The following RRM2 variants were observed in gnomAD, a reference collection of about 807,000 sequenced individuals.
RRM2 encodes the protein ribonucleoside-diphosphate reductase subunit M2.
Under a neutral mutation model 45.9 loss-of-function variants are expected in RRM2, and 6 were observed. The ratio of observed to expected loss-of-function variants is 0.13; its 90% CI spans 0.07 to 0.26. RRM2 has a LOEUF of 0.26. Among genes scored for constraint, RRM2 ranks in the 10% least tolerant of loss-of-function variants. The pLI, the probability that RRM2 is intolerant of heterozygous loss-of-function variation, is 1.00. For synonymous variants in RRM2, 177 were observed against 173.0 expected, an observed-to-expected ratio of 1.02 and a Z score of -0.18; for missense variants, 343 against 489.5, an observed-to-expected ratio of 0.70 and a Z score of 2.82.
At chr2:10,179,912 T>G (rs1184963547) in intron 3 of RRM2, among the ~76,000 whole-genome samples, 2 of 152,206 alleles carry the variant, frequency 1.3e-5, no homozygotes, top group Non-Finnish European at 2.9e-5. Context: ...TCCATACCCC[T>G]TATTTTTGGG....
chr2:10,208,772 C>T (rs753282333), intron 3 of RRM2, among the ~76,000 whole-genome samples: 3 of 152,152 alleles, frequency 2.0e-5, no homozygotes, highest in Non-Finnish European at 2.9e-5. Context: ...CAGCCATGGC[C>T]CCTCCTGATG....
Position 10,185,899 on chromosome 2 carries a change from G to T in RRM2, n.483-24412G>T, listed in dbSNP as rs1352186882. Among the ~76,000 whole-genome samples the T allele has an allele frequency of 6.6e-6, 1 of 152,140 alleles. No individual in the cohort carries two copies. Among genetic ancestry groups the T allele is most frequent in the Non-Finnish European group, 1.5e-5 (1 of 68,038 alleles). ...CTGACCCTCCTTTCTGTCCTTCCTC[G>T]TGCCGAGGTTCTCTCTCCTTGACTG... On this transcript the variant is annotated intron_variant and non_coding_transcript_variant, in intron 3 of 3. Coordinates refer to the RRM2 transcript ENST00000381786. The surrounding 1 kb of genome is among the most constrained non-coding windows in gnomAD (Gnocchi z 4.3).
chr2:10,124,108 CT>C (rs35723300), intron 4 of RRM2: 130,452 of 251,314 alleles, frequency 0.52, 25,360 homozygotes, highest in African/African-American at 0.78. Context: ...TCTGCCCCCT[CT>C]TTTTTTTTTT....
chr2:10,146,480 T>TCC (rs1433677221), intron 3 of RRM2, among the ~76,000 whole-genome samples: 2 of 152,304 alleles, frequency 1.3e-5, no homozygotes, highest in African/African-American at 2.4e-5. Context: ...GCCCTGTGTC[T>TCC]CCCCTCTGTC....
At chr2:10,157,920 C>T (rs193176037) in intron 3 of RRM2, among the ~76,000 whole-genome samples, 15 of 152,168 alleles carry the variant, frequency 9.9e-5, no homozygotes, top group African/African-American at 2.9e-4. Context: ...GTTGGAACCT[C>T]GGGCATCACA....
intron 3 of RRM2, chr2:10,146,116 A>G (rs1429540322): frequency 6.6e-6 from 1 of 152,262 alleles, no homozygotes; most frequent in South Asian, 2.1e-4. Context: ...ACAATCACCC[A>G]TCCCTAGCCC....
Position 10,122,833 on chromosome 2 carries a change from C to T in RRM2, c.35C>T (p.Thr12Met). The T allele has an allele frequency of 6.2e-7, 1 of 1,600,356 alleles. No homozygotes were observed. Among genetic ancestry groups the T allele is most frequent in the Non-Finnish European group, 8.5e-7 (1 of 1,175,054 alleles). The change falls in exon 1 of 10, where the codon ACG becomes ATG. Residue 12 changes from threonine to methionine, a missense_variant. Transcript: ENST00000304567. Reference protein sequence around the residue: ...LSLRVPLAPITDPQQLQLSPL... With the variant: ...LSLRVPLAPIMDPQQLQLSPL... ...CTCCGTGTCCCGCTCGCGCCCATCA[C>T]GGACCCGCAGCAGCTGCAGCTCTCG...
intron 3 of RRM2, among the ~76,000 whole-genome samples, chr2:10,191,223 G>T (rs535196588): frequency 6.6e-6 from 1 of 152,212 alleles, no homozygotes; most frequent in Non-Finnish European, 1.5e-5. Context: ...GCCCCTAGGG[G>T]TTGGCTGTCA....
At chr2:10,162,350 G>C (rs1047086416) in intron 3 of RRM2, among the ~76,000 whole-genome samples, 1 of 152,198 alleles carries the variant, frequency 6.6e-6, no homozygotes, top group Non-Finnish European at 1.5e-5. Context: ...GTGTGTGGGC[G>C]TGTGCAGGGC....
At position 10,204,574 on chromosome 2, in the gene RRM2, G is replaced by A. The variant is rs1664630211; in HGVS notation, n.483-5737G>A. Among the ~76,000 whole-genome samples, 1 of 152,224 alleles carries A rather than the reference G, an allele frequency of 6.6e-6. No individual in the cohort carries two copies. The highest frequency in any genetic ancestry group is 1.5e-5 in the Non-Finnish European group (1 of 68,042). On this transcript the variant is annotated intron_variant and non_coding_transcript_variant, in intron 3 of 3. Coordinates refer to the RRM2 transcript ENST00000381786. The surrounding 1 kb of genome is among the most constrained non-coding windows in gnomAD (Gnocchi z 4.0). ...CTGTGCCCAGCCCTGGGTGCAGGGAGGTGCGGTTTGCTCTCAGAGGAGCAG... is the reference window on the plus strand; with the variant it reads ...CTGTGCCCAGCCCTGGGTGCAGGGAAGTGCGGTTTGCTCTCAGAGGAGCAG...
chr2:10,137,632 G>A (rs1558384313), upstream of RRM2, among the ~76,000 whole-genome samples: 1 of 152,238 alleles, frequency 6.6e-6, no homozygotes, highest in African/African-American at 2.4e-5. Flanking sequence ...CTAGGGACAG[G>A]TACTCACATG....
rs572875442 is a variant in RRM2 at position 10,160,157 on chromosome 2, C to T, written n.482+17782C>T. ...GGCTCAGCCTAGATACCCTCCCCTA[C>T]GCCTTGCACATAGTTCGGGTTTCAC... is the stretch of plus-strand genomic sequence containing the variant. On this transcript the variant is annotated intron_variant and non_coding_transcript_variant, in intron 3 of 3. Transcript: ENST00000381786. Among the ~76,000 whole-genome samples the T allele has an allele frequency of 1.4e-3, 210 of 152,348 alleles. 4 individuals carry two copies. In the South Asian group the frequency reaches 0.04, roughly 29 times the overall value.
At chr2:10,141,953 C>T (rs527284205) in exon 2 of RRM2, 9 of 1,574,572 alleles carry the variant, frequency 5.7e-6, no homozygotes, top group East Asian at 4.7e-5. Flanking sequence ...ACCCAGTGTG[C>T]GGTAAGTCAG....
downstream of RRM2, among the ~76,000 whole-genome samples, chr2:10,133,703 A>ATTTTTTTT (rs33987822): frequency 7.5e-6 from 1 of 133,248 alleles, no homozygotes. Context: ...TGACATCAGG[A>ATTTTTTTT]TTTTTTTTTT....
chr2:10,146,773 CCCCAG>C (rs1663195879), intron 3 of RRM2, among the ~76,000 whole-genome samples: 1 of 152,174 alleles, frequency 6.6e-6, no homozygotes, highest in Non-Finnish European at 1.5e-5. Flanking sequence ...GGGCAGCGAC[CCCCAG>C]CCTTGCCCCC....
At chr2:10,161,208 C>T (rs1354194143) in intron 3 of RRM2, among the ~76,000 whole-genome samples, 2 of 152,192 alleles carry the variant, frequency 1.3e-5, no homozygotes, top group African/African-American at 4.8e-5. Context: ...CAGACATGCA[C>T]CACCATGCCT....
downstream of RRM2, among the ~76,000 whole-genome samples, chr2:10,133,335 A>G (rs1662932885): frequency 6.6e-6 from 1 of 152,214 alleles, no homozygotes; most frequent in South Asian, 2.1e-4. Context: ...GGCTGCTAAA[A>G]GCAGACCTAC....
chr2:10,147,887 G>A (rs1448404275), intron 3 of RRM2, among the ~76,000 whole-genome samples: 4 of 152,260 alleles, frequency 2.6e-5, no homozygotes, highest in South Asian at 4.1e-4. Context: ...GTTCCCGCCT[G>A]TAATCCCAGC....
At chr2:10,179,211 G>A (rs1663994502) in intron 3 of RRM2, among the ~76,000 whole-genome samples, 1 of 152,122 alleles carries the variant, frequency 6.6e-6, no homozygotes, top group Non-Finnish European at 1.5e-5. Context: ...GCAGTGTAGT[G>A]GCGCGATCTC....
Sources: allele counts gnomAD v4.1 joint callset (sites outside exome capture counted in the v4.1 genomes callset), GRCh38; gene constraint gnomAD v4.1.1; non-coding constraint Gnocchi (gnomAD v3.1); transcripts MANE v1.5; gene names NCBI Gene and HGNC (gene_info 2026-07-23, HGNC 2026-07-21).